RPS6KC1: variants seen among roughly 807,000 people sequenced by gnomAD.
RPS6KC1 encodes inactive ribosomal protein S6 kinase delta-1.
In RPS6KC1, 54 loss-of-function variants were observed where a neutral mutation model predicts 103.8. That is an observed-to-expected ratio of 0.52 (90% CI 0.42 to 0.65). The LOEUF (loss-of-function observed/expected upper bound fraction) is 0.65. RPS6KC1 is among the 30% of genes least tolerant of loss of function. RPS6KC1 has a pLI of 0.00. For missense variants in RPS6KC1, 1,151 were observed against 1,253.8 expected, an observed-to-expected ratio of 0.92 and a Z score of 1.24; for synonymous variants, 439 against 438.7, an observed-to-expected ratio of 1.00 and a Z score of -0.01.
the RPS6KC1 span, among the ~76,000 whole-genome samples, chr1:213,628,730 A>T: frequency 6.6e-6 from 1 of 150,660 alleles, no homozygotes; most frequent in South Asian, 2.1e-4. Flanking sequence ...AGTGCTATAA[A>T]TTTCCCTCTA....
chr1:213,403,763 TG>T, the RPS6KC1 span, among the ~76,000 whole-genome samples: 1 of 152,116 alleles, frequency 6.6e-6, no homozygotes, highest in Non-Finnish European at 1.5e-5. Flanking sequence ...AACACTTATC[TG>T]GGGGAAAAGG....
At chr1:213,783,704 T>A in the RPS6KC1 span, among the ~76,000 whole-genome samples, 1 of 150,712 alleles carries the variant, frequency 6.6e-6, no homozygotes, top group African/African-American at 2.4e-5. Flanking sequence ...CATTATCATT[T>A]CTCTAAAATC....
At chr1:213,380,655 A>G in the RPS6KC1 span, among the ~76,000 whole-genome samples, 8 of 152,364 alleles carry the variant, frequency 5.3e-5, no homozygotes, top group East Asian at 1.9e-4. Context: ...ATTACATTGT[A>G]TACCTTGAAA....
intron 6 of RPS6KC1, among the ~76,000 whole-genome samples, chr1:213,136,751 C>A (rs888791430): frequency 2.6e-5 from 4 of 152,086 alleles, no homozygotes; most frequent in Admixed American, 1.3e-4. Context: ...GACTGGCATC[C>A]AGATCAAGGA....
chr1:213,708,723 C>T, the RPS6KC1 span, among the ~76,000 whole-genome samples: 3 of 152,090 alleles, frequency 2.0e-5, no homozygotes, highest in African/African-American at 7.2e-5. Context: ...GAGATACATC[C>T]CATCAATACC....
the RPS6KC1 span, among the ~76,000 whole-genome samples, chr1:213,355,173 C>G: frequency 1.3e-5 from 2 of 151,834 alleles, no homozygotes; most frequent in Admixed American, 1.3e-4. Flanking sequence ...ACTGAGATCG[C>G]GCCACTGCAC....
At chr1:213,490,865 A>G in the RPS6KC1 span, among the ~76,000 whole-genome samples, 1 of 152,228 alleles carries the variant, frequency 6.6e-6, no homozygotes, top group East Asian at 1.9e-4. Flanking sequence ...GGTTCAGATA[A>G]TGGCTGCATG....
chr1:213,638,849 C>G, the RPS6KC1 span, among the ~76,000 whole-genome samples: 1 of 152,032 alleles, frequency 6.6e-6, no homozygotes, highest in South Asian at 2.1e-4. Flanking sequence ...CTTTTCATTT[C>G]TGTGTGTGTT....
chr1:213,249,544 G>A lies in RPS6KC1; in HGVS notation c.2911+6886G>A, dbSNP rs559419049. Among the ~76,000 whole-genome samples, 4 of 152,342 alleles carry A rather than the reference G, an allele frequency of 2.6e-5. No homozygotes were observed. The South Asian group carries it at 6.2e-4, about 24-fold the overall frequency. ...CGGCAGAGAGAGAGCGCAAGCAAGCGAGAGAGCTATGCCTGTCATTCTCAC... is the reference window on the plus strand; with the variant it reads ...CGGCAGAGAGAGAGCGCAAGCAAGCAAGAGAGCTATGCCTGTCATTCTCAC... On this transcript the variant is annotated intron_variant, in intron 12 of 14. Coordinates refer to ENST00000366960, the MANE Select transcript of RPS6KC1 (RefSeq NM_012424.6).
At chr1:213,712,038 C>T in the RPS6KC1 span, among the ~76,000 whole-genome samples, 15 of 152,328 alleles carry the variant, frequency 9.8e-5, no homozygotes, top group African/African-American at 2.6e-4. Context: ...AGAGCTCAAG[C>T]GCTGTGCCGG....
chr1:213,290,999 A>G, the RPS6KC1 span, among the ~76,000 whole-genome samples: 1 of 152,122 alleles, frequency 6.6e-6, no homozygotes, highest in Admixed American at 6.5e-5. Context: ...GCCAAGAAAC[A>G]CTTAACCTAA....
chr1:213,160,523 T>C (rs974810491), intron 6 of RPS6KC1, among the ~76,000 whole-genome samples: 5 of 152,198 alleles, frequency 3.3e-5, no homozygotes, highest in African/African-American at 1.2e-4. Context: ...TTCCCTGACA[T>C]GCATTTTATG....
At chr1:213,114,295 C>G (rs2083337804) in intron 4 of RPS6KC1, among the ~76,000 whole-genome samples, 1 of 138,376 alleles carries the variant, frequency 7.2e-6, no homozygotes, top group Non-Finnish European at 1.5e-5. Flanking sequence ...AAGTTGGATT[C>G]CTAGGTATTT....
intron 14 of RPS6KC1, among the ~76,000 whole-genome samples, chr1:213,269,265 C>G (rs762772077): frequency 1.3e-5 from 2 of 152,108 alleles, no homozygotes; most frequent in Non-Finnish European, 2.9e-5. Flanking sequence ...GTAACAGTTA[C>G]AAATGTATAT....
At position 213,051,435 on chromosome 1, in the gene RPS6KC1, C is replaced by G; in HGVS notation, c.31C>G (p.Leu11Val). 1.9e-6 allele frequency: 3 copies of G among 1,613,618 alleles called. No homozygotes were observed. The highest frequency in any genetic ancestry group is 1.1e-5 in the South Asian group (1 of 91,038). ...CTCTTACCGGGAGCGGAGTGCCGAC[C>G]TGGCCCGTTTCTACACTGTCACCGA... is the stretch of plus-strand genomic sequence containing the variant. MTSYRERSAD[L>V]ARFYTVTEPQ... Residue 11 changes from leucine (L) to valine (V), a missense_variant, in exon 1 of 15, where the codon CTG becomes GTG. By Grantham distance (32) the Leu-to-Val change is conservative (BLOSUM62 1). Coordinates refer to ENST00000366960, the MANE Select transcript of RPS6KC1 (RefSeq NM_012424.6).
At chr1:213,628,632 A>G in the RPS6KC1 span, among the ~76,000 whole-genome samples, 2 of 152,078 alleles carry the variant, frequency 1.3e-5, no homozygotes, top group Non-Finnish European at 2.9e-5. Flanking sequence ...TGGCTTTTGA[A>G]TGTGTTTGCT....
chr1:213,258,036 C>T (rs2094693519), intron 12 of RPS6KC1, among the ~76,000 whole-genome samples: 1 of 151,964 alleles, frequency 6.6e-6, no homozygotes, highest in Non-Finnish European at 1.5e-5. Flanking sequence ...GGCTGGAATG[C>T]CGTGGCATGA....
chr1:213,808,566 G>A, the RPS6KC1 span, among the ~76,000 whole-genome samples: 2 of 152,228 alleles, frequency 1.3e-5, no homozygotes, highest in South Asian at 2.1e-4. Flanking sequence ...GGCTCCGTGG[G>A]CGTAGGACCC....
At chr1:213,611,569 G>A in the RPS6KC1 span, among the ~76,000 whole-genome samples, 4 of 152,268 alleles carry the variant, frequency 2.6e-5, no homozygotes, top group East Asian at 1.9e-4. Context: ...GGGATCTTAC[G>A]TAGTCATGTA....
Sources: allele counts gnomAD v4.1 joint callset (sites outside exome capture counted in the v4.1 genomes callset), GRCh38; gene constraint gnomAD v4.1.1; transcripts MANE v1.5; gene names NCBI Gene and HGNC (gene_info 2026-07-23, HGNC 2026-07-21).